Variants in LLGL1 observed in about 807,000 individuals in gnomAD.
The protein encoded by LLGL1 is LLGL scribble cell polarity complex component 1.
LLGL1 carries 58 observed loss-of-function variants against 110.6 expected under a neutral mutation model. That is an observed-to-expected ratio of 0.52 (90% CI 0.42 to 0.65). LLGL1 has a LOEUF of 0.65. Among genes scored for constraint, LLGL1 ranks in the 30% least tolerant of loss-of-function variants. The probability of loss-of-function intolerance (pLI) is 0.00; values close to 1 mark genes in which losing one functional copy is unlikely to be tolerated. For synonymous variants in LLGL1, 674 were observed against 607.2 expected (o/e 1.11, Z -1.62); for missense variants, 1,229 against 1,462.1 (o/e 0.84, Z 2.60).
chr17:18,236,455 G>C, intron 11 of LLGL1, 152 bp from the exon 12 acceptor site: 1 of 709,070 alleles, frequency 1.4e-6, no homozygotes. Flanking sequence ...GCTGTCTACA[G>C]TAGGTGCCTA....
rs770185753 is a variant in LLGL1 at position 18,240,888 on chromosome 17, G to C, written c.2502+15G>C. 1.4e-5 allele frequency: 21 copies of C among 1,504,254 alleles called. No individual in the cohort carries two copies. Among genetic ancestry groups the C allele is most frequent in the Non-Finnish European group, 1.9e-5 (21 of 1,116,982 alleles). The allele number at this position is 1,504,254 out of a possible 1,614,324, so 93.2% of individuals were successfully genotyped here. A position where few individuals can be genotyped will look rare whatever the true frequency, so the allele number is the denominator to read the frequency against. On this transcript the variant is annotated intron_variant, in intron 17 of 22. Coordinates refer to ENST00000316843, the MANE Select transcript of LLGL1 (RefSeq NM_004140.4). The surrounding 1 kb of genome is among the most constrained non-coding windows in gnomAD (Gnocchi z 5.3). ...AGCAGTTCAAGGTGAGCCACTGTGG[G>C]CTGTGGGGGACTCTGGGGGACTCCC...
intron 2 of LLGL1, among the ~76,000 whole-genome samples, chr17:18,230,947 C>T (rs1388903210): frequency 1.3e-5 from 2 of 152,152 alleles, no homozygotes; most frequent in African/African-American, 2.4e-5. Context: ...ATGGCCCCAG[C>T]GGCCTCTGTT....
Position 18,234,900 on chromosome 17 carries a change from G to T in LLGL1, c.967G>T (p.Val323Leu). The T allele has an allele frequency of 6.2e-7, 1 of 1,614,050 alleles. No homozygotes were observed. Among genetic ancestry groups the T allele is most frequent in the Non-Finnish European group, 8.5e-7 (1 of 1,180,002 alleles). ...TGCCAGCTATGGTGACCGCCACTGT[G>T]TAAGTGTGCTTCGAGCCGAGACATT... Reference protein sequence around the residue: ...PRASYGDRHCVSVLRAETLVT... With the variant: ...PRASYGDRHCLSVLRAETLVT... Residue 323 changes from valine (V) to leucine (L), a missense_variant, in exon 9 of 23, where the codon GTA (valine) becomes TTA (leucine). By Grantham distance (32) the Val-to-Leu change is conservative. Transcript: ENST00000316843.
chr17:18,242,136 A>G (rs2290509), intron 19 of LLGL1, 30 bp from the exon 20 acceptor site: 21,922 of 1,586,628 alleles, frequency 0.014, 739 homozygotes, highest in Admixed American at 0.12. Context: ...TCATCCACCT[A>G]TGGTCCCCAT....
In LLGL1 at chr17:18,241,881, C is replaced by G. The variant is rs763553925; in HGVS notation, c.2768-4C>G. 6.2e-7 allele frequency: 1 copy of G among 1,612,124 alleles called. No homozygotes were observed. Among genetic ancestry groups the G allele is most frequent in the African/African-American group, 1.3e-5 (1 of 74,910 alleles). On this transcript the variant is annotated splice_polypyrimidine_tract_variant and splice_region_variant and intron_variant, in intron 18 of 22. Coordinates refer to ENST00000316843, the MANE Select transcript of LLGL1 (RefSeq NM_004140.4). Reference sequence around the variant, plus strand: ...CTGCACTCCTCATTCTTCTGCCCACCCAGGCTTTTACCTGATATCCCCATC... The same window carrying G: ...CTGCACTCCTCATTCTTCTGCCCACGCAGGCTTTTACCTGATATCCCCATC...
intron 13 of LLGL1, 52 bp downstream of exon 13, chr17:18,236,991 G>C (rs773487811): frequency 1.7e-5 from 24 of 1,443,922 alleles, no homozygotes; most frequent in Non-Finnish European, 2.2e-5. Context: ...CTTTCTGGAA[G>C]AGATGAGCTG....
Position 18,237,662 on chromosome 17 carries a change from C to T in LLGL1, c.1793C>T (p.Pro598Leu). 1 of 1,612,478 alleles carries T rather than the reference C, an allele frequency of 6.2e-7. No individual in the cohort carries two copies. Among genetic ancestry groups the T allele is most frequent in the Non-Finnish European group, 8.5e-7 (1 of 1,179,976 alleles). ...QPRVLVQCLP[P>L]AAVTAVTLHT... ...CGTGTCCTGGTGCAGTGCCTGCCGC[C>T]AGCTGCTGTAACCGCTGTCACACTC... The change falls in exon 14 of 23, where the codon CCA becomes CTA. Residue 598 changes from proline to leucine, a missense_variant. Physicochemically the swap from Pro to Leu is moderately conservative, Grantham distance 98 (BLOSUM62 -3). Transcript: ENST00000316843.
intron 16 of LLGL1, among the ~76,000 whole-genome samples, chr17:18,238,888 G>A (rs2047758218): frequency 6.6e-6 from 1 of 152,194 alleles, no homozygotes; most frequent in Non-Finnish European, 1.5e-5. Flanking sequence ...GCGGGCGCCT[G>A]TAATCCCAGC....
At chr17:18,229,850 C>A in intron 1 of LLGL1, 91 bp from the exon 2 acceptor site, 1 of 817,576 alleles carries the variant, frequency 1.2e-6, no homozygotes, top group Non-Finnish European at 2.0e-6. Flanking sequence ...CAGCTGCAGA[C>A]CCTGGAGGCT....
chr17:18,238,051 C>A lies in LLGL1; in HGVS notation c.1905-16C>A. On this transcript the variant is annotated splice_polypyrimidine_tract_variant and intron_variant, in intron 14 of 22. Transcript: ENST00000316843. ...GAGGCTGCTCTATAGCACGACTGGA[C>A]CCTGTCTTCCCCCAGGTGCACTCTT... 1 of 1,612,942 alleles carries A rather than the reference C, an allele frequency of 6.2e-7. No individual in the cohort carries two copies. The highest frequency in any genetic ancestry group is 8.5e-7 in the Non-Finnish European group (1 of 1,179,768).
At chr17:18,227,874 T>C (rs1461458713) in intron 1 of LLGL1, among the ~76,000 whole-genome samples, 2 of 152,174 alleles carry the variant, frequency 1.3e-5, no homozygotes, top group Non-Finnish European at 2.9e-5. Context: ...CTTAGTCACC[T>C]AAGTGGGTAA....
Position 18,241,389 on chromosome 17 carries a change from G to T in LLGL1, c.2503-62G>T. On this transcript the variant is annotated intron_variant, in intron 17 of 22. Coordinates refer to ENST00000316843, the MANE Select transcript of LLGL1 (RefSeq NM_004140.4). ...GGCTGTTGGGTCAGCAGCCACGAGG[G>T]TGAGGGGCCCTGGGGACGAGGACAG... 6 of 1,552,272 alleles carry T rather than the reference G, an allele frequency of 3.9e-6. No homozygotes were observed. The East Asian group carries it at 9.1e-5, about 24-fold the overall frequency.
chr17:18,237,183 G>C, intron 13 of LLGL1: 1 of 597,534 alleles, frequency 1.7e-6, no homozygotes. Flanking sequence ...TGACATACAG[G>C]AGGTGCTCAA....
At position 18,235,497 on chromosome 17, in the gene LLGL1, C is replaced by T. The variant is rs1475298197; in HGVS notation, c.1312C>T (p.Leu438=). Residue 438 remains leucine, a synonymous_variant, in exon 11 of 23, where the codon CTG becomes TTG. Transcript: ENST00000316843. ...CTGGCCCATCACTGGGGGCCGAAAC[C>T]TGGCCCAGGAGCCGTCACAGCGAGG... The part of the protein sequence containing the change: ...LSWPITGGRN[L]AQEPSQRGLL... The T allele has an allele frequency of 1.2e-6, 2 of 1,613,920 alleles. No homozygotes were observed. The highest frequency in any genetic ancestry group is 1.3e-5 in the African/African-American group (1 of 74,936).
rs1408383724 is a variant in LLGL1, at chr17:18,235,404, C to T, written c.1285-66C>T. ...AGCCCGGAGGTCAGAATGTGCCATACTCGGGGTGAGAGGGAGAAGATGTTC... is the reference window on the plus strand; with the variant it reads ...AGCCCGGAGGTCAGAATGTGCCATATTCGGGGTGAGAGGGAGAAGATGTTC... On this transcript the variant is annotated intron_variant, in intron 10 of 22. Coordinates refer to ENST00000316843, the MANE Select transcript of LLGL1 (RefSeq NM_004140.4). The T allele has an allele frequency of 2.5e-6, 4 of 1,607,150 alleles. No homozygotes were observed. In the African/African-American group the frequency reaches 5.3e-5, roughly 21 times the overall value.
In LLGL1 at chr17:18,242,181, G is replaced by C; in HGVS notation, c.2898G>C (p.Glu966Asp). Residue 966 changes from glutamate to aspartate, a missense_variant, in exon 20 of 23, where the codon GAG becomes GAC. Coordinates refer to ENST00000316843, the MANE Select transcript of LLGL1 (RefSeq NM_004140.4). ...DATQASYRIR[E>D]SPKLSQANGT... ...ATCTCTGCAGTTACAGGATCCGAGA[G>C]TCACCCAAGCTGAGCCAGGCTAACG... The C allele has an allele frequency of 3.1e-6, 5 of 1,613,996 alleles. No homozygotes were observed. Among genetic ancestry groups the C allele is most frequent in the Non-Finnish European group, 4.2e-6 (5 of 1,179,940 alleles).
In LLGL1 at chr17:18,234,285, C is replaced by G; in HGVS notation, c.727C>G (p.Leu243Val). 6.2e-7 allele frequency: 1 copy of G among 1,604,156 alleles called. No individual in the cohort carries two copies. The highest frequency in any genetic ancestry group is 8.5e-7 in the Non-Finnish European group (1 of 1,175,632). Residue 243 changes from leucine to valine, a missense_variant, in exon 7 of 23, where the codon CTA (leucine) becomes GTA (valine). Coordinates refer to ENST00000316843, the MANE Select transcript of LLGL1 (RefSeq NM_004140.4). Reference sequence around the variant, plus strand: ...TGCCTGCCCGCAGCAGCTGGAGAGCCTATGCTGGGGGCGTGATAGCAGCAC... The same window carrying G: ...TGCCTGCCCGCAGCAGCTGGAGAGCGTATGCTGGGGGCGTGATAGCAGCAC... ...IFLGNQQLES[L>V]CWGRDSSTVV...
intron 2 of LLGL1, among the ~76,000 whole-genome samples, chr17:18,230,975 T>C (rs577249907): frequency 1.8e-4 from 28 of 152,300 alleles, no homozygotes; most frequent in Non-Finnish European, 1.2e-4. Flanking sequence ...GTGGCAGTGC[T>C]CTGGGCCCCA....
rs2142707686 is a variant in LLGL1, at chr17:18,240,941, T to C, written c.2502+68T>C. ...CCAGGCCCCAACCTCATGGACACCA[T>C]TGGACCCTCAAGAAACCCTTCCTGC... On this transcript the variant is annotated intron_variant, in intron 17 of 22. Coordinates refer to ENST00000316843, the MANE Select transcript of LLGL1 (RefSeq NM_004140.4). This position sits in a 1 kb window ranked among gnomAD's most constrained non-coding sequence, Gnocchi z 5.3. 4 of 1,423,216 alleles carry C rather than the reference T, an allele frequency of 2.8e-6. No homozygotes were observed. Among genetic ancestry groups the C allele is most frequent in the Middle Eastern group, 2.6e-4 (1 of 3,890 alleles). 88.2% of individuals were successfully genotyped at this position (1,423,216 alleles called of 1,614,324 possible). A position where few individuals can be genotyped will look rare whatever the true frequency, so the allele number is the denominator to read the frequency against.
Sources: allele counts gnomAD v4.1 joint callset (sites outside exome capture counted in the v4.1 genomes callset), GRCh38; gene constraint gnomAD v4.1.1; non-coding constraint Gnocchi (gnomAD v3.1); transcripts MANE v1.5; gene names NCBI Gene and HGNC (gene_info 2026-07-23, HGNC 2026-07-21).